Variants in MEAK7 observed in about 807,000 individuals in gnomAD.
MEAK7 encodes the protein MTOR associated protein MEAK7, also known as MTOR-associated protein MEAK7.
A neutral mutation model predicts 40.5 loss-of-function variants in MEAK7; 68 were observed. That is an observed-to-expected ratio of 1.68 (90% CI 1.38 to 2.06). MEAK7 has a LOEUF of 2.06. Among genes scored for constraint, MEAK7 ranks in the 30% most tolerant of loss-of-function variants. MEAK7 has a pLI of 0.00. For synonymous variants in MEAK7, 338 were observed against 231.9 expected (o/e 1.46, Z -4.16); for missense variants, 918 against 580.5 (o/e 1.58, Z -5.98).
chr16:84,497,541 TC>T, intron 2 of MEAK7: 1 of 1,292,530 alleles, frequency 7.7e-7, no homozygotes, highest in East Asian at 5.5e-5. Flanking sequence ...GGGACGTGGT[TC>T]AAGAGACACA....
At chr16:84,494,816 C>G (rs1457118978) in intron 3 of MEAK7, 1 of 455,636 alleles carries the variant, frequency 2.2e-6, no homozygotes. Context: ...CTCTAAAATC[C>G]TTTCTCCAAA....
At chr16:84,483,577 G>A (rs569083810) in intron 5 of MEAK7, among the ~76,000 whole-genome samples, 12 of 152,342 alleles carry the variant, frequency 7.9e-5, no homozygotes, top group Middle Eastern at 3.4e-3. Context: ...ATGATGGAAC[G>A]CAGATAAGAA....
chr16:84,493,807 G>C (rs1567500497), intron 3 of MEAK7, among the ~76,000 whole-genome samples: 2 of 152,176 alleles, frequency 1.3e-5, no homozygotes, highest in South Asian at 2.1e-4. Context: ...AGATTACCTT[G>C]AGAAAATGAA....
intron 5 of MEAK7, chr16:84,486,343 G>C: frequency 1.3e-6 from 1 of 787,806 alleles, no homozygotes; most frequent in Non-Finnish European, 1.7e-6. Flanking sequence ...TGGTCCCCTC[G>C]GAGGCATCTG....
intron 3 of MEAK7, among the ~76,000 whole-genome samples, chr16:84,493,408 G>A (rs78289424): frequency 1.3e-5 from 2 of 152,154 alleles, no homozygotes; most frequent in African/African-American, 4.8e-5. Context: ...GACTCATAGG[G>A]GGCTGACGTA....
intron 3 of MEAK7, among the ~76,000 whole-genome samples, chr16:84,490,073 A>C (rs1385057150): frequency 6.6e-6 from 1 of 152,204 alleles, no homozygotes; most frequent in Non-Finnish European, 1.5e-5. Flanking sequence ...TCTTCTCCTT[A>C]CCATTAGAGC....
Position 84,479,635 on chromosome 16 carries a change from T to C in MEAK7, c.*278A>G, listed in dbSNP as rs4993375. The C allele has an allele frequency of 8.6e-3, 2,752 of 321,684 alleles. 27 individuals carry two copies. Among genetic ancestry groups the C allele is most frequent in the African/African-American group, 0.027 (1,256 of 46,968 alleles). 19.9% of individuals were successfully genotyped at this position (321,684 alleles called of 1,614,324 possible). On this transcript the variant is annotated 3_prime_UTR_variant, in exon 8 of 8. Transcript: ENST00000343629. The stretch of plus-strand genomic sequence containing the variant: ...GGTAAAAAAGAACAAAGTATAAGAC[T>C]GAGTTACTAATTTGACACAAGATTT...
Position 84,497,956 on chromosome 16 carries a change from G to C in MEAK7, c.131C>G (p.Ser44Cys). The C allele has an allele frequency of 6.2e-7, 1 of 1,614,222 alleles. No individual in the cohort carries two copies. Among genetic ancestry groups the C allele is most frequent in the Non-Finnish European group, 8.5e-7 (1 of 1,180,046 alleles). ...DKNSPNVSSK[S>C]FSLKALQNHV... The stretch of plus-strand genomic sequence containing the variant: ...TGCCTGTAGTGCCTTCAGAGAGAAG[G>C]ATTTGGATGAGACATTCGGGCTGTT... Residue 44 changes from serine to cysteine, a missense_variant, in exon 2 of 8, where the codon TCC (serine) becomes TGC (cysteine). By Grantham distance (112) the Ser-to-Cys change is moderately radical. Coordinates refer to ENST00000343629, the MANE Select transcript of MEAK7 (RefSeq NM_020947.4).
intron 5 of MEAK7, among the ~76,000 whole-genome samples, chr16:84,483,659 G>C (rs1375452789): frequency 6.6e-6 from 1 of 152,340 alleles, no homozygotes; most frequent in African/African-American, 2.4e-5. Context: ...AGTCTGTAGA[G>C]TGTGGGCTGA....
At chr16:84,497,549 C>G in intron 2 of MEAK7, 1 of 1,291,984 alleles carries the variant, frequency 7.7e-7, no homozygotes, top group Non-Finnish European at 1.0e-6. Flanking sequence ...GTTCAAGAGA[C>G]ACACGAGGCA....
chr16:84,496,427 C>A (rs542473531), intron 2 of MEAK7, among the ~76,000 whole-genome samples: 1 of 152,140 alleles, frequency 6.6e-6, no homozygotes, highest in African/African-American at 2.4e-5. Flanking sequence ...CCCCTCCCTC[C>A]GTCTCTGTAC....
rs570869745 is a variant in MEAK7 at position 84,495,855 on chromosome 16, C to T, written c.212G>A (p.Arg71Gln). The change falls in exon 3 of 8, where the codon CGG becomes CAG. Residue 71 changes from arginine to glutamine, a missense_variant. Coordinates refer to ENST00000343629, the MANE Select transcript of MEAK7 (RefSeq NM_020947.4). The part of the protein sequence containing the change: ...EMVTRLYDGM[R>Q]RVDLTGKAKG... ...CGCCTTCCCTGTCAGGTCGACCCTC[C>T]GCATGCCATCATACAGCCTGGTGAC... 44 of 1,614,060 alleles carry T rather than the reference C, an allele frequency of 2.7e-5. No individual in the cohort carries two copies. The highest frequency in any genetic ancestry group is 4.5e-5 in the East Asian group (2 of 44,872).
Position 84,495,112 on chromosome 16 carries a change from T to C in MEAK7, c.384+571A>G, listed in dbSNP as rs1183273988. 2.0e-5 allele frequency among the ~76,000 whole-genome samples: 3 copies of C among 151,924 alleles called. No homozygotes were observed. In the East Asian group the frequency reaches 5.8e-4, roughly 29 times the overall value. On this transcript the variant is annotated intron_variant, in intron 3 of 7. Coordinates refer to ENST00000343629, the MANE Select transcript of MEAK7 (RefSeq NM_020947.4). ...GGTGAAACCCCGTTTCTACTAAAAA[T>C]ACAAAAATCGGCCAGGCACGGTGGT...
At chr16:84,497,240 A>G (rs1914126256) in intron 2 of MEAK7, 2 of 376,768 alleles carry the variant, frequency 5.3e-6, no homozygotes, top group East Asian at 7.7e-5. Flanking sequence ...AGCTGACGGC[A>G]TCTCCTTGTC....
intron 1 of MEAK7, chr16:84,503,922 C>G (rs1368985680): frequency 2.0e-6 from 2 of 985,356 alleles, no homozygotes; most frequent in African/African-American, 1.7e-5. Flanking sequence ...TCCAAGGGCC[C>G]CGCATCCCTA....
intron 3 of MEAK7, among the ~76,000 whole-genome samples, chr16:84,492,569 T>TTTTATTTATTTA (rs58022971): frequency 0.068 from 9,959 of 146,710 alleles, 514 homozygotes; most frequent in African/African-American, 0.14. Flanking sequence ...AAGTGTTTTA[T>TTTTATTTATTTA]TTTATTTATT....
At position 84,480,703 on chromosome 16, in the gene MEAK7, C is replaced by G. The variant is rs202056370; in HGVS notation, c.1083G>C (p.Met361Ile). The G allele has an allele frequency of 3.1e-6, 5 of 1,611,114 alleles. No individual in the cohort carries two copies. Among genetic ancestry groups the G allele is most frequent in the Admixed American group, 3.4e-5 (2 of 59,538 alleles). ...GCCCAAAGTAATTGTGCTGCCCCCC[C>G]ATACCCTGCAAAGGAAGCCAGGACA... ...GQQTIPNGLG[M>I]GGQHNYFGLW... Residue 361 changes from methionine (M) to isoleucine (I), a missense_variant, in exon 7 of 8, where the codon ATG becomes ATC. Met to Ile is a conservative substitution (Grantham distance 10, BLOSUM62 1). Coordinates refer to ENST00000343629, the MANE Select transcript of MEAK7 (RefSeq NM_020947.4).
rs190154608 is a variant in MEAK7, at chr16:84,479,651, C to T, written c.*262G>A. ...GTATAAGACTGAGTTACTAATTTGA[C>T]ACAAGATTTCTTGGAGAGATCCTGA... On this transcript the variant is annotated 3_prime_UTR_variant, in exon 8 of 8. Coordinates refer to ENST00000343629, the MANE Select transcript of MEAK7 (RefSeq NM_020947.4). The T allele has an allele frequency of 3.6e-4, 127 of 350,402 alleles. 1 individual carries two copies. The highest frequency in any genetic ancestry group is 2.4e-3 in the African/African-American group (117 of 47,818). The allele number at this position is 350,402 out of a possible 1,614,324, so 21.7% of individuals were successfully genotyped here. A position where few individuals can be genotyped will look rare whatever the true frequency, so the allele number is the denominator to read the frequency against.
chr16:84,494,766 T>C (rs1913905043), intron 3 of MEAK7: 1 of 454,600 alleles, frequency 2.2e-6, no homozygotes, highest in Non-Finnish European at 4.4e-6. Context: ...ATTCTGGACA[T>C]GACAGATCAG....
Sources: gnomAD v4.1 joint callset for allele counts (sites outside exome capture counted in the v4.1 genomes callset) on GRCh38, gnomAD v4.1.1 for gene constraint, MANE v1.5 for transcripts, NCBI Gene and HGNC (gene_info 2026-07-23, HGNC 2026-07-21) for gene names.